The following TTLL5 variants were observed in gnomAD, a reference collection of about 807,000 sequenced individuals.
The protein encoded by TTLL5 is tubulin polyglutamylase TTLL5.
TTLL5 carries 132 observed loss-of-function variants against 168.4 expected under a neutral mutation model. That is an observed-to-expected ratio of 0.78 (90% CI 0.68 to 0.91). TTLL5 has a LOEUF of 0.91. Ranked by LOEUF, TTLL5 falls within the 40% of genes least tolerant of loss-of-function variation. The probability of loss-of-function intolerance (pLI) is 0.00; values close to 1 mark genes in which losing one functional copy is unlikely to be tolerated. For missense variants in TTLL5, 1,545 were observed against 1,581.5 expected (o/e 0.98, Z 0.39); for synonymous variants, 546 against 558.6 (o/e 0.98, Z 0.32).
chr14:75,802,733 A>G (rs1893393103), intron 27 of TTLL5, among the ~76,000 whole-genome samples: 1 of 152,240 alleles, frequency 6.6e-6, no homozygotes, highest in African/African-American at 2.4e-5. Context: ...GCAGCTACAT[A>G]AACAGATGGT....
chr14:75,927,367 C>T (rs571409682), intron 31 of TTLL5, among the ~76,000 whole-genome samples: 1 of 152,180 alleles, frequency 6.6e-6, no homozygotes, highest in East Asian at 1.9e-4. Flanking sequence ...TTAACCATCC[C>T]CCCGTTTTGT....
intron 29 of TTLL5, among the ~76,000 whole-genome samples, chr14:75,864,803 G>A (rs546939247): frequency 2.0e-5 from 3 of 152,256 alleles, no homozygotes; most frequent in African/African-American, 7.2e-5. Context: ...TTATAAAAAT[G>A]TAGTACATAG....
At chr14:75,820,237 T>G in intron 28 of TTLL5, 76 bp downstream of exon 28, 2 of 1,441,456 alleles carry the variant, frequency 1.4e-6, no homozygotes, top group South Asian at 1.6e-5. Context: ...ATTCCCACCT[T>G]GAGTTCTGTA....
intron 20 of TTLL5, 38 bp from the exon 21 acceptor site, chr14:75,771,696 T>C (rs986068596): frequency 1.2e-6 from 2 of 1,611,770 alleles, no homozygotes; most frequent in Admixed American, 3.4e-5. Flanking sequence ...GTTTTACACT[T>C]CTGTCACATA....
intron 4 of TTLL5, among the ~76,000 whole-genome samples, 177 bp downstream of exon 4, chr14:75,681,804 C>T (rs1335881177): frequency 6.6e-6 from 1 of 152,006 alleles, no homozygotes; most frequent in Non-Finnish European, 1.5e-5. Context: ...GCTTGCAATA[C>T]ATGGAAAACG....
Position 75,661,349 on chromosome 14 carries a change from C to G in TTLL5, c.-134C>G, listed in dbSNP as rs76983947. 2,401 of 152,456 alleles carry G rather than the reference C, an allele frequency of 0.016. 82 individuals carry two copies. The highest frequency in any genetic ancestry group is 0.055 in the African/African-American group (2,266 of 41,558). 9.4% of individuals were successfully genotyped at this position (152,456 alleles called of 1,614,324 possible). A position where few individuals can be genotyped will look rare whatever the true frequency, so the allele number is the denominator to read the frequency against. The stretch of plus-strand genomic sequence containing the variant: ...GAGGGAGGTAGGCGCAGAGCGCGGT[C>G]CACGCCTGCTCGCCCCGAACCATGG... On this transcript the variant is annotated 5_prime_UTR_variant, in exon 1 of 32. Transcript: ENST00000298832.
At chr14:75,917,055 T>G (rs1393920739) in intron 31 of TTLL5, among the ~76,000 whole-genome samples, 3 of 152,042 alleles carry the variant, frequency 2.0e-5, no homozygotes, top group Non-Finnish European at 4.4e-5. Flanking sequence ...ATGTTTTTGT[T>G]TAATGGGCAC....
At chr14:75,923,203 A>G (rs907122320) in intron 31 of TTLL5, among the ~76,000 whole-genome samples, 10 of 151,994 alleles carry the variant, frequency 6.6e-5, no homozygotes, top group Admixed American at 6.6e-5. Flanking sequence ...TTGTGTCTCT[A>G]TCTCTTTCAG....
intron 11 of TTLL5, 144 bp downstream of exon 11, chr14:75,719,970 A>G: frequency 1.2e-6 from 1 of 853,580 alleles, no homozygotes; most frequent in South Asian, 1.6e-5. Context: ...CCTGCAGTTG[A>G]CAAGCTGGGG....
At chr14:75,711,378 CAG>C (rs967589137) in intron 9 of TTLL5, 4 of 152,120 alleles carry the variant, frequency 2.6e-5, no homozygotes, top group African/African-American at 4.8e-5. Context: ...TTTTTCCTGT[CAG>C]GGGTGGACTC....
chr14:75,703,085 G>A (rs1289357644), intron 7 of TTLL5, among the ~76,000 whole-genome samples: 2 of 152,210 alleles, frequency 1.3e-5, no homozygotes, highest in African/African-American at 2.4e-5. Context: ...ACTGGATGAA[G>A]TAACTCTTTC....
intron 28 of TTLL5, among the ~76,000 whole-genome samples, chr14:75,828,841 A>C (rs1488727635): frequency 6.6e-6 from 1 of 152,240 alleles, no homozygotes; most frequent in Non-Finnish European, 1.5e-5. Context: ...GTGCAAAAGC[A>C]AGGGTGAAAC....
At chr14:75,848,903 C>T (rs1187338261) in intron 28 of TTLL5, among the ~76,000 whole-genome samples, 2 of 152,196 alleles carry the variant, frequency 1.3e-5, no homozygotes, top group Non-Finnish European at 2.9e-5. Context: ...GCCAGATGTA[C>T]TAAGAAATCC....
Position 75,690,335 on chromosome 14 carries a change from C to G in TTLL5, c.502+13C>G, listed in dbSNP as rs775552000. ...GCGGAATTTTGTAGTAAGTGCTTGA[C>G]AGAGAATGCCCCAGTCCCCAGCAAC... On this transcript the variant is annotated intron_variant, in intron 6 of 31. Transcript: ENST00000298832. 1 of 1,596,312 alleles carries G rather than the reference C, an allele frequency of 6.3e-7. No individual in the cohort carries two copies. Among genetic ancestry groups the G allele is most frequent in the East Asian group, 2.3e-5 (1 of 44,358 alleles).
intron 29 of TTLL5, among the ~76,000 whole-genome samples, chr14:75,866,635 C>T (rs2030540536): frequency 6.6e-6 from 1 of 152,176 alleles, no homozygotes; most frequent in Non-Finnish European, 1.5e-5. Context: ...AGGAAGTTCT[C>T]CATTCTTTTC....
At chr14:75,772,946 T>C (rs910714406) in intron 21 of TTLL5, among the ~76,000 whole-genome samples, 7 of 152,024 alleles carry the variant, frequency 4.6e-5, no homozygotes, top group African/African-American at 1.7e-4. Flanking sequence ...GGATTATAGG[T>C]ATGAGCCAGC....
chr14:75,715,563 A>C (rs991560332), intron 9 of TTLL5, among the ~76,000 whole-genome samples: 19 of 152,140 alleles, frequency 1.2e-4, no homozygotes, highest in African/African-American at 2.4e-5. Flanking sequence ...GGAAAGATGA[A>C]CATGCACACC....
At chr14:75,733,957 T>A (rs1344259100) in intron 13 of TTLL5, 32 bp from the exon 14 acceptor site, 3 of 1,609,792 alleles carry the variant, frequency 1.9e-6, no homozygotes, top group African/African-American at 1.3e-5. Context: ...TACACACTTA[T>A]CAATTGCTCT....
At chr14:75,918,119 C>A (rs1197868556) in intron 31 of TTLL5, among the ~76,000 whole-genome samples, 2 of 152,268 alleles carry the variant, frequency 1.3e-5, no homozygotes, top group East Asian at 3.9e-4. Flanking sequence ...GGGGGAAGGG[C>A]AAAAGACAGA....
Sources: gnomAD v4.1 joint callset for allele counts (sites outside exome capture counted in the v4.1 genomes callset) on GRCh38, gnomAD v4.1.1 for gene constraint, MANE v1.5 for transcripts, NCBI Gene and HGNC (gene_info 2026-07-23, HGNC 2026-07-21) for gene names.